Variants in GRIN2B observed in about 807,000 individuals in gnomAD.
GRIN2B encodes the protein glutamate receptor ionotropic, NMDA 2B.
A neutral mutation model predicts 114.5 loss-of-function variants in GRIN2B; 5 were observed. The observed-to-expected ratio is 0.04, with a 90% CI of 0.02 to 0.09. The LOEUF is 0.09. GRIN2B is among the 10% of genes least tolerant of loss of function. The pLI, the probability that GRIN2B is intolerant of heterozygous loss-of-function variation, is 1.00. For missense variants in GRIN2B, 1,108 were observed against 1,943.5 expected, an observed-to-expected ratio of 0.57 and a Z score of 8.08; for synonymous variants, 787 against 745.1, an observed-to-expected ratio of 1.06 and a Z score of -0.92.
At chr12:13,920,509 A>T (rs1048862933) in intron 2 of GRIN2B, among the ~76,000 whole-genome samples, 1 of 152,166 alleles carries the variant, frequency 6.6e-6, no homozygotes, top group African/African-American at 2.4e-5. Flanking sequence ...CCATTCTCAC[A>T]TCTCTAAGCT....
intron 5 of GRIN2B, among the ~76,000 whole-genome samples, chr12:13,650,018 T>C (rs989441013): frequency 6.6e-6 from 1 of 152,040 alleles, no homozygotes; most frequent in Non-Finnish European, 1.5e-5. Flanking sequence ...CTATACACCA[T>C]GCTGTGTGGT....
intron 4 of GRIN2B, among the ~76,000 whole-genome samples, chr12:13,680,521 T>C (rs910459208): frequency 5.9e-5 from 9 of 151,274 alleles, no homozygotes; most frequent in African/African-American, 1.9e-4. Context: ...AGAATGTAGT[T>C]TGAACCTTAA....
At chr12:13,566,582 T>TAAAACATAGAGTGAA (rs944196424) in intron 13 of GRIN2B, among the ~76,000 whole-genome samples, 4 of 152,224 alleles carry the variant, frequency 2.6e-5, no homozygotes, top group African/African-American at 9.6e-5. Context: ...AACACATGGT[T>TAAAACATAGAGTGAA]AAAACATAGA....
At chr12:13,723,751 G>A (rs567048179) in intron 4 of GRIN2B, among the ~76,000 whole-genome samples, 1 of 152,076 alleles carries the variant, frequency 6.6e-6, no homozygotes, top group South Asian at 2.1e-4. Flanking sequence ...TTATGTGGTG[G>A]CTCTGGTATT....
rs1196514766 is a variant in GRIN2B at position 13,887,013 on chromosome 12, T to G, written c.-18-20787A>C. ...GAAAATTCAAGTAACTAACCCAAGGTTACATGGCTACTAAATGGAGGAGCT... is the reference window on the plus strand; with the variant it reads ...GAAAATTCAAGTAACTAACCCAAGGGTACATGGCTACTAAATGGAGGAGCT... On this transcript the variant is annotated intron_variant, in intron 2 of 13. Transcript: ENST00000609686. Among the ~76,000 whole-genome samples the G allele has an allele frequency of 2.0e-5, 3 of 152,152 alleles. No individual in the cohort carries two copies. The East Asian group carries it at 5.8e-4, about 29-fold the overall frequency.
At chr12:13,943,351 G>C (rs1379916656) in intron 2 of GRIN2B, among the ~76,000 whole-genome samples, 1 of 152,110 alleles carries the variant, frequency 6.6e-6, no homozygotes, top group East Asian at 1.9e-4. Context: ...ATCTGAAATG[G>C]AATCAACCCA....
At chr12:13,723,292 C>T (rs1862913251) in intron 4 of GRIN2B, among the ~76,000 whole-genome samples, 1 of 151,842 alleles carries the variant, frequency 6.6e-6, no homozygotes, top group Admixed American at 6.6e-5. Context: ...CTCCCCTAGC[C>T]CCCCACCTTT....
At chr12:13,581,512 C>A (rs2136427084) in intron 10 of GRIN2B, among the ~76,000 whole-genome samples, 1 of 152,244 alleles carries the variant, frequency 6.6e-6, no homozygotes, top group South Asian at 2.1e-4. Context: ...GTCAGGTGAC[C>A]ACACAAGGAG....
At chr12:13,924,470 C>A (rs1866881544) in intron 2 of GRIN2B, among the ~76,000 whole-genome samples, 1 of 152,056 alleles carries the variant, frequency 6.6e-6, no homozygotes, top group African/African-American at 2.4e-5. Context: ...GAGTGGCCAC[C>A]CTACAGGAGC....
intron 8 of GRIN2B, among the ~76,000 whole-genome samples, chr12:13,613,744 T>C (rs1271153302): frequency 6.6e-6 from 1 of 152,042 alleles, no homozygotes; most frequent in Non-Finnish European, 1.5e-5. Flanking sequence ...ATTTTATGAG[T>C]TAATATAACC....
At chr12:13,865,629 T>C (rs1865814008) in intron 3 of GRIN2B, among the ~76,000 whole-genome samples, 169 bp downstream of exon 3, 1 of 151,820 alleles carries the variant, frequency 6.6e-6, no homozygotes, top group Admixed American at 6.6e-5. Flanking sequence ...CAAAACTCTG[T>C]CTCAAAGAGA....
chr12:13,822,325 T>C (rs935512016), intron 3 of GRIN2B, among the ~76,000 whole-genome samples: 15 of 152,150 alleles, frequency 9.9e-5, no homozygotes, highest in African/African-American at 3.6e-4. Context: ...GTCCACCCTC[T>C]CAGTTAGGCA....
At chr12:13,583,322 A>ACTCATTGATCCT (rs1194822729) in intron 10 of GRIN2B, among the ~76,000 whole-genome samples, 1 of 152,076 alleles carries the variant, frequency 6.6e-6, no homozygotes, top group Non-Finnish European at 1.5e-5. Context: ...ACGTATAGTA[A>ACTCATTGATCCT]CTCATTGATC....
intron 5 of GRIN2B, among the ~76,000 whole-genome samples, chr12:13,633,704 T>C (rs1026172866): frequency 6.6e-6 from 1 of 152,204 alleles, no homozygotes; most frequent in East Asian, 1.9e-4. Flanking sequence ...CTTATATCTT[T>C]CAATTGTCAA....
At chr12:13,916,745 G>GCACAAA (rs1866736907) in intron 2 of GRIN2B, among the ~76,000 whole-genome samples, 5 of 147,864 alleles carry the variant, frequency 3.4e-5, no homozygotes, top group Admixed American at 2.0e-4. Flanking sequence ...ATTTGTGTGT[G>GCACAAA]TGTGTGTGTG....
intron 2 of GRIN2B, among the ~76,000 whole-genome samples, chr12:13,948,952 T>G (rs1184189234): frequency 6.6e-6 from 1 of 152,164 alleles, no homozygotes; most frequent in Non-Finnish European, 1.5e-5. Flanking sequence ...CTGAAAGAAC[T>G]AAGTTCTTGG....
intron 4 of GRIN2B, among the ~76,000 whole-genome samples, chr12:13,748,070 C>T (rs926431284): frequency 6.6e-6 from 1 of 152,160 alleles, no homozygotes; most frequent in Non-Finnish European, 1.5e-5. Flanking sequence ...AGTCACTCTT[C>T]CCCATCCCTC....
intron 4 of GRIN2B, among the ~76,000 whole-genome samples, chr12:13,719,721 C>T (rs1386328125): frequency 6.6e-6 from 1 of 152,068 alleles, no homozygotes; most frequent in African/African-American, 2.4e-5. Context: ...GAAAACCATT[C>T]TTATGCTAAC....
intron 5 of GRIN2B, among the ~76,000 whole-genome samples, chr12:13,641,250 T>C (rs1005731040): frequency 1.6e-4 from 24 of 152,020 alleles, no homozygotes; most frequent in African/African-American, 5.8e-4. Context: ...TTTTGTATTT[T>C]TAGTAGAGAT....
Sources: allele counts gnomAD v4.1 joint callset (sites outside exome capture counted in the v4.1 genomes callset), GRCh38; gene constraint gnomAD v4.1.1; transcripts MANE v1.5; gene names NCBI Gene and HGNC (gene_info 2026-07-23, HGNC 2026-07-21).